PVT1: variants seen among roughly 807,000 people sequenced by gnomAD.
The protein encoded by PVT1 is Pvt1 oncogene.
At chr8:128,052,813 G>T (rs1243005857) in intron 4 of PVT1, among the ~76,000 whole-genome samples, 1 of 152,168 alleles carries the variant, frequency 6.6e-6, no homozygotes, top group African/African-American at 2.4e-5. Flanking sequence ...ATCCTCATTA[G>T]ACCCAACTGA....
At chr8:128,006,362 A>T (rs1817247963) in intron 4 of PVT1, among the ~76,000 whole-genome samples, 1 of 152,086 alleles carries the variant, frequency 6.6e-6, no homozygotes, top group Non-Finnish European at 1.5e-5. Flanking sequence ...AAAGAATGAG[A>T]TGCTGTGTCC....
At chr8:127,873,296 A>G (rs1815372020) in intron 2 of PVT1, among the ~76,000 whole-genome samples, 1 of 152,166 alleles carries the variant, frequency 6.6e-6, no homozygotes, top group Non-Finnish European at 1.5e-5. Context: ...CTGGGTAAGC[A>G]CAGCCCTGGA....
chr8:128,065,197 T>A (rs368935326), intron 4 of PVT1, among the ~76,000 whole-genome samples: 10,587 of 97,494 alleles, frequency 0.11, 1,018 homozygotes, highest in African/African-American at 0.28. Flanking sequence ...TTTTTTATTT[T>A]TTATTTTTTT....
chr8:127,871,267 C>A (rs1815348929), intron 2 of PVT1, among the ~76,000 whole-genome samples: 1 of 152,258 alleles, frequency 6.6e-6, no homozygotes. Flanking sequence ...GGAGTTAGCA[C>A]ATACAACTGC....
chr8:127,831,043 C>A (rs1018344716), intron 2 of PVT1, among the ~76,000 whole-genome samples: 1 of 101,184 alleles, frequency 9.9e-6, no homozygotes, highest in Non-Finnish European at 2.2e-5. Flanking sequence ...TATATACATA[C>A]GTGTGTGTGT....
intron 4 of PVT1, chr8:128,009,441 A>C (rs1817288067): frequency 6.5e-6 from 1 of 152,810 alleles, no homozygotes. Flanking sequence ...CTCCCTGTTA[A>C]ATTGCACCCA....
chr8:128,030,128 TA>T (rs1813371825), intron 4 of PVT1, among the ~76,000 whole-genome samples: 1 of 152,012 alleles, frequency 6.6e-6, no homozygotes, highest in Non-Finnish European at 1.5e-5. Context: ...AAAGAAAAAT[TA>T]AAAAAACCTT....
chr8:128,013,726 T>C (rs1460889777), intron 4 of PVT1, among the ~76,000 whole-genome samples: 1 of 152,236 alleles, frequency 6.6e-6, no homozygotes, highest in Non-Finnish European at 1.5e-5. Flanking sequence ...GCATTCTTTC[T>C]TTCCCTTCCA....
intron 4 of PVT1, among the ~76,000 whole-genome samples, chr8:128,036,854 G>C (rs925532800): frequency 6.6e-6 from 1 of 152,234 alleles, no homozygotes; most frequent in African/African-American, 2.4e-5. Flanking sequence ...GTGACTGTTA[G>C]AGAAACCTGA....
chr8:128,051,068 G>C (rs559035079), intron 4 of PVT1, among the ~76,000 whole-genome samples: 1 of 152,194 alleles, frequency 6.6e-6, no homozygotes, highest in Non-Finnish European at 1.5e-5. Context: ...TTTATGGGAC[G>C]ATTGAGTATT....
intron 3 of PVT1, among the ~76,000 whole-genome samples, chr8:127,917,920 C>T (rs2129859635): frequency 6.6e-6 from 1 of 152,376 alleles, no homozygotes; most frequent in East Asian, 1.9e-4. Flanking sequence ...TGCTGGCGTT[C>T]GCCCCTCAAC....
chr8:127,861,319 T>C (rs1815225637), intron 2 of PVT1, among the ~76,000 whole-genome samples: 1 of 152,160 alleles, frequency 6.6e-6, no homozygotes, highest in South Asian at 2.1e-4. Flanking sequence ...GACAAAAGCA[T>C]GGGTGCAGGC....
intron 2 of PVT1, among the ~76,000 whole-genome samples, chr8:127,876,974 G>A (rs1294659447): frequency 1.3e-5 from 2 of 152,222 alleles, no homozygotes; most frequent in Non-Finnish European, 2.9e-5. Context: ...CCAAAGTCAG[G>A]AGCGTGACCT....
At chr8:128,009,960 A>G (rs1210999056) in intron 4 of PVT1, among the ~76,000 whole-genome samples, 1 of 152,222 alleles carries the variant, frequency 6.6e-6, no homozygotes, top group Non-Finnish European at 1.5e-5. Context: ...GACTAAGATA[A>G]AAGTGTTTCT....
intron 4 of PVT1, among the ~76,000 whole-genome samples, chr8:128,005,760 C>T (rs1817239102): frequency 6.6e-6 from 1 of 152,138 alleles, no homozygotes. Flanking sequence ...GGTACTCTCA[C>T]ACACTGCTGC....
intron 4 of PVT1, among the ~76,000 whole-genome samples, chr8:127,998,804 C>G (rs564808532): frequency 7.2e-6 from 1 of 138,156 alleles, no homozygotes; most frequent in Non-Finnish European, 1.6e-5. Context: ...TTCCTCCTTC[C>G]TCTTCTCCTC....
intron 2 of PVT1, among the ~76,000 whole-genome samples, chr8:127,862,205 C>G (rs996519002): frequency 6.6e-6 from 1 of 152,106 alleles, no homozygotes. Context: ...GTCAGGAGTT[C>G]GAGACCAGCC....
intron 3 of PVT1, among the ~76,000 whole-genome samples, chr8:127,957,011 C>G (rs943843348): frequency 1.3e-5 from 2 of 152,114 alleles, no homozygotes; most frequent in African/African-American, 4.8e-5. Context: ...TAGTGATTAA[C>G]CAGTCATCAC....
At chr8:127,950,428 A>G (rs1816492211) in intron 3 of PVT1, among the ~76,000 whole-genome samples, 1 of 152,182 alleles carries the variant, frequency 6.6e-6, no homozygotes, top group African/African-American at 2.4e-5. Context: ...CCAGTTTCCC[A>G]GGTGAGGCTG....
Sources: allele counts gnomAD v4.1 joint callset (sites outside exome capture counted in the v4.1 genomes callset), GRCh38; gene constraint gnomAD v4.1.1; transcripts MANE v1.5; gene names NCBI Gene and HGNC (gene_info 2026-07-23, HGNC 2026-07-21).